Variants in FBLN7 observed in about 807,000 individuals in gnomAD.
FBLN7 encodes the protein fibulin-7.
A neutral mutation model predicts 44.0 loss-of-function variants in FBLN7; 31 were observed. That is an observed-to-expected ratio of 0.70 (90% CI 0.53 to 0.95). The LOEUF is 0.95. Ranked by LOEUF, FBLN7 falls within the 40% of genes least tolerant of loss-of-function variation. FBLN7 has a pLI of 0.00. For missense variants in FBLN7, 573 were observed against 618.5 expected, an observed-to-expected ratio of 0.93 and a Z score of 0.78; for synonymous variants, 262 against 253.4, an observed-to-expected ratio of 1.03 and a Z score of -0.32.
the FBLN7 span, among the ~76,000 whole-genome samples, chr2:112,221,374 C>T: frequency 8.5e-5 from 13 of 152,062 alleles, no homozygotes; most frequent in East Asian, 5.8e-4. Context: ...GCTGGCCATG[C>T]GACATGCTGG....
At chr2:112,181,599 T>C in intron 4 of FBLN7, 140 bp from the exon 5 acceptor site, 1 of 1,090,588 alleles carries the variant, frequency 9.2e-7, no homozygotes, top group Admixed American at 4.2e-5. Context: ...TGATTACTTG[T>C]CTCTCCTTTC....
At chr2:112,172,495 G>C (rs1375470114) in intron 3 of FBLN7, among the ~76,000 whole-genome samples, 5 of 151,778 alleles carry the variant, frequency 3.3e-5, no homozygotes, top group African/African-American at 1.2e-4. Flanking sequence ...TACTATATTT[G>C]TCTTTTTGCC....
intron 5 of FBLN7, among the ~76,000 whole-genome samples, chr2:112,182,295 T>G (rs1268464586): frequency 6.6e-6 from 1 of 152,046 alleles, no homozygotes; most frequent in Non-Finnish European, 1.5e-5. Context: ...ACGGCTCAGT[T>G]TTGCTGTGCT....
the FBLN7 span, chr2:112,211,839 A>G: frequency 2.0e-5 from 3 of 152,216 alleles, no homozygotes; most frequent in Non-Finnish European, 4.4e-5. Context: ...TTTCACAGGA[A>G]TCAACAGCAC....
chr2:112,150,721 A>C (rs1681117909), intron 1 of FBLN7, among the ~76,000 whole-genome samples: 1 of 152,182 alleles, frequency 6.6e-6, no homozygotes, highest in East Asian at 1.9e-4. Context: ...TCCTCTGAAC[A>C]GTGGAGATAA....
the FBLN7 span, among the ~76,000 whole-genome samples, chr2:112,196,736 C>CA: frequency 6.6e-6 from 1 of 152,060 alleles, no homozygotes; most frequent in Non-Finnish European, 1.5e-5. Flanking sequence ...CTGTGTCTCT[C>CA]AAAAAGATAT....
the FBLN7 span, among the ~76,000 whole-genome samples, chr2:112,240,988 CGTGT>C: frequency 4.9e-4 from 66 of 134,382 alleles, no homozygotes; most frequent in South Asian, 1.2e-3. Context: ...TGTGTGTGCG[CGTGT>C]GTATGTGTGT....
the FBLN7 span, among the ~76,000 whole-genome samples, chr2:112,223,929 G>A: frequency 1.3e-5 from 2 of 152,292 alleles, no homozygotes; most frequent in South Asian, 2.1e-4. Context: ...GATCATTTGA[G>A]GTCAGGAGTT....
the FBLN7 span, among the ~76,000 whole-genome samples, chr2:112,210,403 C>A: frequency 3.7e-4 from 56 of 151,934 alleles, no homozygotes; most frequent in Non-Finnish European, 6.2e-4. Flanking sequence ...CGCCTGTAAC[C>A]CCAGCACTTT....
downstream of FBLN7, among the ~76,000 whole-genome samples, chr2:112,191,602 A>G (rs779357714): frequency 4.6e-5 from 7 of 152,182 alleles, no homozygotes; most frequent in Non-Finnish European, 1.0e-4. Flanking sequence ...AACAATGCCA[A>G]CCTTAACACA....
the FBLN7 span, among the ~76,000 whole-genome samples, chr2:112,207,323 C>T: frequency 2.0e-5 from 3 of 151,900 alleles, no homozygotes; most frequent in South Asian, 2.1e-4. Flanking sequence ...AAAAATTAGC[C>T]GGGTGTGGTG....
chr2:112,153,623 T>A (rs190278061), intron 1 of FBLN7, among the ~76,000 whole-genome samples: 61 of 152,088 alleles, frequency 4.0e-4, no homozygotes, highest in Admixed American at 8.5e-4. Context: ...GGGGCCTGGA[T>A]GGGATGAGAG....
intron 1 of FBLN7, among the ~76,000 whole-genome samples, chr2:112,138,958 G>C (rs1391638844): frequency 1.6e-5 from 2 of 123,436 alleles, no homozygotes; most frequent in East Asian, 2.4e-4. Flanking sequence ...CCTCTCTCCA[G>C]GCCAGCGTCC....
intron 1 of FBLN7, among the ~76,000 whole-genome samples, chr2:112,147,980 C>T (rs1315240195): frequency 9.2e-5 from 14 of 152,108 alleles, no homozygotes; most frequent in Admixed American, 6.6e-5. Context: ...AAAGCTGACC[C>T]GCGCTCTCTC....
the FBLN7 span, among the ~76,000 whole-genome samples, chr2:112,221,720 C>G: frequency 6.6e-6 from 1 of 152,016 alleles, no homozygotes; most frequent in Non-Finnish European, 1.5e-5. Flanking sequence ...TCAGGTCAGT[C>G]TGGTTCTTTC....
chr2:112,182,644 G>C lies in FBLN7; in HGVS notation c.671-147G>C, dbSNP rs564204590. 4 of 896,590 alleles carry C rather than the reference G, an allele frequency of 4.5e-6. No individual in the cohort carries two copies. The African/African-American group carries it at 6.8e-5, about 15-fold the overall frequency. The allele number at this position is 896,590 out of a possible 1,614,324, so 55.5% of individuals were successfully genotyped here. ...TGCTCCTCTTGTGAGTGCTCTGCTGGGGGTAGGGCATGGCGGCTGCCCGAG... is the reference window on the plus strand; with the variant it reads ...TGCTCCTCTTGTGAGTGCTCTGCTGCGGGTAGGGCATGGCGGCTGCCCGAG... On this transcript the variant is annotated intron_variant, in intron 5 of 7. Transcript: ENST00000331203.
the FBLN7 span, among the ~76,000 whole-genome samples, chr2:112,227,676 A>G: frequency 6.6e-6 from 1 of 152,230 alleles, no homozygotes; most frequent in South Asian, 2.1e-4. Flanking sequence ...ATTTCTACAT[A>G]CTACCAATGA....
the FBLN7 span, among the ~76,000 whole-genome samples, chr2:112,244,489 G>T: frequency 2.0e-5 from 3 of 152,172 alleles, no homozygotes; most frequent in Admixed American, 2.0e-4. Context: ...TATATAAGAT[G>T]TGAGATATCT....
the FBLN7 span, among the ~76,000 whole-genome samples, chr2:112,218,179 C>T: frequency 1.3e-5 from 2 of 152,182 alleles, no homozygotes; most frequent in Non-Finnish European, 2.9e-5. Context: ...TCTATCTTCC[C>T]ATTCTCTAGG....
Sources: gnomAD v4.1 joint callset for allele counts (sites outside exome capture counted in the v4.1 genomes callset) on GRCh38, gnomAD v4.1.1 for gene constraint, MANE v1.5 for transcripts, NCBI Gene and HGNC (gene_info 2026-07-23, HGNC 2026-07-21) for gene names.